PANK1: variants seen among roughly 807,000 people sequenced by gnomAD.
The protein encoded by PANK1 is pantothenate kinase 1, also known as pantothenic acid kinase 1.
Under a neutral mutation model 40.1 loss-of-function variants are expected in PANK1, and 18 were observed. The observed-to-expected ratio is 0.45, with a 90% CI of 0.31 to 0.67. PANK1 has a LOEUF of 0.67. Among genes scored for constraint, PANK1 ranks in the 30% least tolerant of loss-of-function variants. The pLI is 0.06. For synonymous variants in PANK1, 242 were observed against 237.7 expected, an observed-to-expected ratio of 1.02 and a Z score of -0.17; for missense variants, 457 against 599.6, an observed-to-expected ratio of 0.76 and a Z score of 2.48.
intron 1 of PANK1, among the ~76,000 whole-genome samples, chr10:89,636,145 G>A (rs1170815264): frequency 6.6e-6 from 1 of 152,078 alleles, no homozygotes; most frequent in Non-Finnish European, 1.5e-5. Flanking sequence ...GGCTTTACTA[G>A]GCATTGCTCT....
intron 1 of PANK1, among the ~76,000 whole-genome samples, chr10:89,623,239 T>C (rs1845554596): frequency 6.6e-6 from 1 of 152,172 alleles, no homozygotes; most frequent in Non-Finnish European, 1.5e-5. Context: ...TTTTTGTTTT[T>C]GAGATGCAGA....
chr10:89,593,093 C>A (rs10160034), intron 5 of PANK1, 104 bp downstream of exon 5: 120,902 of 1,177,210 alleles, frequency 0.1, 7,005 homozygotes, highest in African/African-American at 0.21. Context: ...TAAAGGGAAG[C>A]TTTCCTAAGG....
rs565976583 is a variant in PANK1 at position 89,631,648 on chromosome 10, CTT to C, written c.292+12950_292+12951del. ...AATTATGTAGGAGATACTAATCACT[CTT>C]AGTCCAGTGATACTGGGTGATTCCA... On this transcript the variant is annotated intron_variant, in intron 1 of 6. Coordinates refer to ENST00000307534, the MANE Select transcript of PANK1 (RefSeq NM_148977.3). 9.8e-4 allele frequency among the ~76,000 whole-genome samples: 149 copies of C among 152,360 alleles called. 1 individual carries two copies. Among genetic ancestry groups the C allele is most frequent in the African/African-American group, 3.4e-3 (140 of 41,582 alleles).
intron 3 of PANK1, among the ~76,000 whole-genome samples, chr10:89,595,691 G>T (rs1844543617): frequency 6.8e-6 from 1 of 146,254 alleles, no homozygotes; most frequent in African/African-American, 2.6e-5. Context: ...TTGGTGGCAC[G>T]CGCCTGTAAT....
chr10:89,618,569 C>T (rs1845388032), intron 1 of PANK1, among the ~76,000 whole-genome samples: 2 of 152,150 alleles, frequency 1.3e-5, no homozygotes, highest in Admixed American at 6.5e-5. Context: ...AGAAGAGCAA[C>T]CTGTGTCACT....
intron 2 of PANK1, among the ~76,000 whole-genome samples, chr10:89,604,704 A>G (rs1042034006): frequency 1.2e-3 from 176 of 151,652 alleles, no homozygotes; most frequent in Non-Finnish European, 1.7e-3. Flanking sequence ...AAAAAAAAAA[A>G]AAAAAAAAAG....
At chr10:89,637,527 CAT>C (rs1213577446) in intron 1 of PANK1, among the ~76,000 whole-genome samples, 1 of 152,172 alleles carries the variant, frequency 6.6e-6, no homozygotes, top group East Asian at 1.9e-4. Context: ...TGTATCTAAA[CAT>C]ACCTAAACAT....
At chr10:89,606,753 G>C in intron 2 of PANK1, among the ~76,000 whole-genome samples, 1 of 152,082 alleles carries the variant, frequency 6.6e-6, no homozygotes, top group Non-Finnish European at 1.5e-5. Flanking sequence ...TGAACTACTG[G>C]GTTCAAGCGA....
At chr10:89,628,627 C>T (rs775412923) in intron 1 of PANK1, among the ~76,000 whole-genome samples, 1 of 152,104 alleles carries the variant, frequency 6.6e-6, no homozygotes, top group Non-Finnish European at 1.5e-5. Context: ...ACACTAAAAA[C>T]CATAGAATTG....
chr10:89,583,898 GGT>G lies in PANK1; in HGVS notation c.*506_*507del, dbSNP rs1255024159. 1 of 152,530 alleles carries G rather than the reference GGT, an allele frequency of 6.6e-6. No homozygotes were observed. Among genetic ancestry groups the G allele is most frequent in the African/African-American group, 2.4e-5 (1 of 41,376 alleles). 9.4% of individuals were successfully genotyped at this position (152,530 alleles called of 1,614,324 possible). On this transcript the variant is annotated 3_prime_UTR_variant, in exon 7 of 7. Coordinates refer to ENST00000307534, the MANE Select transcript of PANK1 (RefSeq NM_148977.3). ...AAAACAGAAAAACAAGACAAAAAAG[GGT>G]ACAAAACAAATAACAAAAGTGTTCA...
chr10:89,590,450 T>C (rs1447769265), intron 5 of PANK1, among the ~76,000 whole-genome samples: 1 of 152,130 alleles, frequency 6.6e-6, no homozygotes, highest in Non-Finnish European at 1.5e-5. Flanking sequence ...CCCTGCTTGG[T>C]GGGAATGTAA....
At chr10:89,641,383 G>C (rs1841963958) in intron 1 of PANK1, among the ~76,000 whole-genome samples, 1 of 152,112 alleles carries the variant, frequency 6.6e-6, no homozygotes, top group Non-Finnish European at 1.5e-5. Context: ...TAACAGATTT[G>C]GGGTTTTTCA....
At chr10:89,643,678 TA>T in intron 1 of PANK1, 2 of 1,568,440 alleles carry the variant, frequency 1.3e-6, no homozygotes, top group Non-Finnish European at 1.8e-6. Context: ...AGTCATTTAT[TA>T]GCATTTACTG....
At chr10:89,614,241 T>C (rs148654250) in intron 1 of PANK1, among the ~76,000 whole-genome samples, 13 of 152,284 alleles carry the variant, frequency 8.5e-5, no homozygotes, top group African/African-American at 3.1e-4. Context: ...GGAACATTGC[T>C]GGGAAATATT....
In PANK1 at chr10:89,608,817, C is replaced by A. The variant is rs149496238; in HGVS notation, c.645+2879G>T. Among the ~76,000 whole-genome samples, 823 of 152,320 alleles carry A rather than the reference C, an allele frequency of 5.4e-3. 4 individuals carry two copies. Among genetic ancestry groups the A allele is most frequent in the Non-Finnish European group, 9.9e-3 (676 of 68,018 alleles). On this transcript the variant is annotated intron_variant, in intron 2 of 6. Transcript: ENST00000307534. ...TACAGTAGTATATATTGATCCTTTA[C>A]AATTAAGTTAGCATCTTCGATTTTC... is the stretch of plus-strand genomic sequence containing the variant.
At chr10:89,622,266 A>G (rs1186062489) in intron 1 of PANK1, among the ~76,000 whole-genome samples, 1 of 152,242 alleles carries the variant, frequency 6.6e-6, no homozygotes, top group Non-Finnish European at 1.5e-5. Context: ...TCTGTTGAAC[A>G]TTACTCTATG....
At chr10:89,586,418 T>C (rs1201723682) in intron 6 of PANK1, among the ~76,000 whole-genome samples, 2 of 151,852 alleles carry the variant, frequency 1.3e-5, no homozygotes, top group Non-Finnish European at 2.9e-5. Flanking sequence ...GGAGTGGAGG[T>C]TCTGGGACCT....
intron 1 of PANK1, among the ~76,000 whole-genome samples, chr10:89,616,798 G>A (rs1165210519): frequency 6.6e-6 from 1 of 152,140 alleles, no homozygotes; most frequent in Non-Finnish European, 1.5e-5. Flanking sequence ...GTGGGCACCT[G>A]TAGTTCCAGC....
chr10:89,605,346 T>C (rs768272524), intron 2 of PANK1, among the ~76,000 whole-genome samples: 13 of 152,220 alleles, frequency 8.5e-5, no homozygotes, highest in East Asian at 1.9e-4. Context: ...TTACCCACCA[T>C]AGAACTTCTT....
Sources: allele counts gnomAD v4.1 joint callset (sites outside exome capture counted in the v4.1 genomes callset), GRCh38; gene constraint gnomAD v4.1.1; transcripts MANE v1.5; gene names NCBI Gene and HGNC (gene_info 2026-07-23, HGNC 2026-07-21).